The following UBE3D variants were observed in gnomAD, a reference collection of about 807,000 sequenced individuals.
UBE3D encodes the protein E3 ubiquitin-protein ligase E3D.
UBE3D carries 48 observed loss-of-function variants against 49.6 expected under a neutral mutation model. That is an observed-to-expected ratio of 0.97 (90% CI 0.77 to 1.23). The LOEUF (loss-of-function observed/expected upper bound fraction) is 1.23. UBE3D is among the 50% of genes most tolerant of loss of function. UBE3D has a pLI of 0.00. For missense variants in UBE3D, 452 were observed against 468.4 expected, an observed-to-expected ratio of 0.96 and a Z score of 0.32; for synonymous variants, 189 against 174.2, an observed-to-expected ratio of 1.08 and a Z score of -0.67.
At chr6:83,022,710 C>T (rs994735468) in intron 6 of UBE3D, 149 bp from the exon 7 acceptor site, 13 of 505,384 alleles carry the variant, frequency 2.6e-5, no homozygotes, top group Middle Eastern at 3.6e-4. Context: ...TCAGAATCTG[C>T]ACTGATGTGG....
At chr6:82,919,801 T>G (rs984215500) in intron 9 of UBE3D, among the ~76,000 whole-genome samples, 17 of 151,978 alleles carry the variant, frequency 1.1e-4, no homozygotes, top group African/African-American at 3.9e-4. Flanking sequence ...CCAGCAATCT[T>G]TTTTCTTATT....
chr6:82,964,881 C>T lies in UBE3D; in HGVS notation c.1011-7431G>A, dbSNP rs1397962512. On this transcript the variant is annotated intron_variant, in intron 8 of 9. Coordinates refer to ENST00000369747, the MANE Select transcript of UBE3D (RefSeq NM_198920.3). ...AATAAAAATAGACCCTGAAAAAATG[C>T]ACAAACTACTGTTTGTCCAAATAAA... 4.1e-4 allele frequency among the ~76,000 whole-genome samples: 62 copies of T among 152,106 alleles called. 1 individual carries two copies. Among genetic ancestry groups the T allele is most frequent in the Admixed American group, 4.1e-3 (62 of 15,266 alleles).
intron 9 of UBE3D, among the ~76,000 whole-genome samples, chr6:82,956,408 C>CG (rs746325939): frequency 2.1e-4 from 32 of 152,174 alleles, no homozygotes; most frequent in Admixed American, 1.4e-3. Flanking sequence ...GCGAGGGAGG[C>CG]GGGGGGTCTT....
At chr6:82,924,698 T>C (rs1054986547) in intron 9 of UBE3D, 2 of 152,208 alleles carry the variant, frequency 1.3e-5, no homozygotes, top group Admixed American at 6.5e-5. Context: ...TCTGCATTTT[T>C]AAATAACATC....
chr6:82,890,275 C>T (rs1770956911), downstream of UBE3D, among the ~76,000 whole-genome samples: 1 of 152,120 alleles, frequency 6.6e-6, no homozygotes, highest in African/African-American at 2.4e-5. Flanking sequence ...TTCACTCACC[C>T]ACAGCAACAA....
At chr6:82,980,306 G>T (rs998223729) in intron 8 of UBE3D, among the ~76,000 whole-genome samples, 2 of 152,034 alleles carry the variant, frequency 1.3e-5, no homozygotes, top group African/African-American at 4.8e-5. Context: ...ATATCCCATT[G>T]TGGCTTTAAT....
At position 83,005,381 on chromosome 6, in the gene UBE3D, A is replaced by G. The variant is rs79173330; in HGVS notation, c.1010+13592T>C. 8.7e-3 allele frequency among the ~76,000 whole-genome samples: 1,328 copies of G among 152,236 alleles called. 17 individuals are homozygous for G. The highest frequency in any genetic ancestry group is 0.031 in the African/African-American group (1,278 of 41,560). On this transcript the variant is annotated intron_variant, in intron 8 of 9. Transcript: ENST00000369747. ...ACTGGACTGCTTGTGTACTTTTGAT[A>G]GGATTGTAAAATGCTGCAACTGCTA... is the stretch of plus-strand genomic sequence containing the variant.
intron 4 of UBE3D, among the ~76,000 whole-genome samples, chr6:83,038,776 C>T (rs1464621849): frequency 6.6e-6 from 1 of 152,104 alleles, no homozygotes; most frequent in Non-Finnish European, 1.5e-5. Context: ...CTAAAAAGCA[C>T]TTCCAAATAG....
chr6:82,939,296 G>T (rs1355006920), intron 9 of UBE3D, among the ~76,000 whole-genome samples: 2 of 152,144 alleles, frequency 1.3e-5, no homozygotes, highest in Non-Finnish European at 2.9e-5. Flanking sequence ...GTAGCCATTG[G>T]TTCAATTTTA....
At chr6:83,024,696 C>T (rs1781333542) in intron 5 of UBE3D, among the ~76,000 whole-genome samples, 1 of 152,086 alleles carries the variant, frequency 6.6e-6, no homozygotes, top group African/African-American at 2.4e-5. Context: ...TGTTTTGGGT[C>T]TTCTAGAATT....
intron 8 of UBE3D, among the ~76,000 whole-genome samples, chr6:82,990,146 G>C (rs1455533976): frequency 2.0e-5 from 3 of 152,128 alleles, no homozygotes; most frequent in African/African-American, 7.2e-5. Context: ...AACTTAGCTG[G>C]GTGGCTCTGG....
chr6:83,029,744 G>A (rs1386039052), intron 5 of UBE3D, among the ~76,000 whole-genome samples: 1 of 152,194 alleles, frequency 6.6e-6, no homozygotes, highest in Non-Finnish European at 1.5e-5. Flanking sequence ...GGTTGGGATA[G>A]CAGTCAATTG....
At chr6:82,891,263 T>C (rs1770973475), downstream of UBE3D, among the ~76,000 whole-genome samples, 1 of 151,722 alleles carries the variant, frequency 6.6e-6, no homozygotes, top group South Asian at 2.1e-4. Context: ...ACAACTGGAG[T>C]GGAGGAGGGG....
chr6:82,889,577 G>C (rs1217859275), downstream of UBE3D, among the ~76,000 whole-genome samples: 1 of 151,770 alleles, frequency 6.6e-6, no homozygotes, highest in Non-Finnish European at 1.5e-5. Context: ...ACCATATATG[G>C]TACTATACAG....
intron 9 of UBE3D, among the ~76,000 whole-genome samples, chr6:82,908,930 G>T (rs1291561703): frequency 6.6e-6 from 1 of 152,168 alleles, no homozygotes; most frequent in Non-Finnish European, 1.5e-5. Flanking sequence ...CTGCAGGTGA[G>T]TCAGTCCAGG....
At chr6:83,042,497 T>C in intron 4 of UBE3D, among the ~76,000 whole-genome samples, 1 of 152,232 alleles carries the variant, frequency 6.6e-6, no homozygotes, top group Middle Eastern at 3.2e-3. Flanking sequence ...TAATGCATTT[T>C]TCTTCACCTA....
chr6:82,953,555 C>G lies in UBE3D; in HGVS notation c.1149+3757G>C, dbSNP rs566765356. On this transcript the variant is annotated intron_variant, in intron 9 of 9. Coordinates refer to ENST00000369747, the MANE Select transcript of UBE3D (RefSeq NM_198920.3). ...GTACCTCTGTGTAACCCAGCTCAGT[C>G]TTTTAGATTTCTAGAATGTCACATG... is the stretch of plus-strand genomic sequence containing the variant. Among the ~76,000 whole-genome samples the G allele has an allele frequency of 9.1e-4, 138 of 152,278 alleles. 1 individual carries two copies. The highest frequency in any genetic ancestry group is 3.2e-3 in the African/African-American group (133 of 41,562).
intron 9 of UBE3D, among the ~76,000 whole-genome samples, chr6:82,947,438 C>T (rs576130226): frequency 6.6e-6 from 1 of 152,084 alleles, no homozygotes; most frequent in Admixed American, 6.5e-5. Context: ...CACTATGGAC[C>T]AAATAAACCT....
At chr6:82,978,321 A>G (rs1474561751) in intron 8 of UBE3D, among the ~76,000 whole-genome samples, 1 of 152,122 alleles carries the variant, frequency 6.6e-6, no homozygotes, top group East Asian at 1.9e-4. Context: ...CTTTGCTGTC[A>G]CTATTCTATT....
Sources: gnomAD v4.1 joint callset for allele counts (sites outside exome capture counted in the v4.1 genomes callset) on GRCh38, gnomAD v4.1.1 for gene constraint, MANE v1.5 for transcripts, NCBI Gene and HGNC (gene_info 2026-07-23, HGNC 2026-07-21) for gene names.